B3GNT3: variants seen among roughly 807,000 people sequenced by gnomAD.
The protein encoded by B3GNT3 is N-acetyllactosaminide beta-1,3-N-acetylglucosaminyltransferase 3.
B3GNT3 carries 7 observed loss-of-function variants against 11.6 expected under a neutral mutation model. That is an observed-to-expected ratio of 0.60 (90% confidence interval 0.34 to 1.13). The LOEUF (loss-of-function observed/expected upper bound fraction) is 1.13. Ranked by LOEUF, B3GNT3 falls within the 50% of genes most tolerant of loss-of-function variation. The probability of loss-of-function intolerance (pLI) is 0.03; values close to 1 mark genes in which losing one functional copy is unlikely to be tolerated. For missense variants in B3GNT3, 400 were observed against 507.4 expected, an observed-to-expected ratio of 0.79 and a Z score of 2.03; for synonymous variants, 201 against 222.1, an observed-to-expected ratio of 0.90 and a Z score of 0.85.
chr19:17,805,337 G>A lies in B3GNT3; in HGVS notation c.-50-2421G>A, dbSNP rs59323468. The stretch of plus-strand genomic sequence containing the variant: ...TGGTCTCAAACTCCTAAGCTCAAGC[G>A]ATCCTCCTACCTCAGCCTCCCAGAG... On this transcript the variant is annotated intron_variant, in intron 1 of 2. Transcript: ENST00000318683. Among the ~76,000 whole-genome samples, 863 of 151,908 alleles carry A rather than the reference G, an allele frequency of 5.7e-3. 7 individuals are homozygous for A. Among genetic ancestry groups the A allele is most frequent in the African/African-American group, 0.02 (827 of 41,432 alleles).
chr19:17,795,287 A>G (rs1245828377), intron 1 of B3GNT3, 81 bp downstream of exon 1: 1 of 152,102 alleles, frequency 6.6e-6, no homozygotes, highest in African/African-American at 2.4e-5. Flanking sequence ...GCTCTGGAGA[A>G]GCCCCTGCCG....
chr19:17,799,764 C>T (rs914139564), intron 1 of B3GNT3, among the ~76,000 whole-genome samples: 20 of 144,204 alleles, frequency 1.4e-4, no homozygotes, highest in Non-Finnish European at 2.6e-4. Context: ...TGAGAGCCAG[C>T]GACCAGGCTG....
chr19:17,797,048 G>C (rs1333170829), intron 1 of B3GNT3, among the ~76,000 whole-genome samples: 1 of 152,072 alleles, frequency 6.6e-6, no homozygotes, highest in African/African-American at 2.4e-5. Flanking sequence ...TTAAAGACAG[G>C]AACTAGGCTC....
intron 1 of B3GNT3, among the ~76,000 whole-genome samples, chr19:17,795,885 T>C (rs1568388796): frequency 1.3e-5 from 2 of 152,010 alleles, no homozygotes; most frequent in Non-Finnish European, 2.9e-5. Context: ...AGTTTCCCTG[T>C]GTGTTAAGGG....
At chr19:17,803,008 G>T (rs2094168189) in intron 1 of B3GNT3, among the ~76,000 whole-genome samples, 1 of 115,218 alleles carries the variant, frequency 8.7e-6, no homozygotes, top group African/African-American at 3.2e-5. Flanking sequence ...GGTGTTAAAG[G>T]ATTTTTTTTT....
In B3GNT3 at chr19:17,808,235, T is replaced by G. The variant is rs1568392000; in HGVS notation, c.428T>G (p.Leu143Arg). 1.9e-6 allele frequency: 3 copies of G among 1,613,396 alleles called. No individual in the cohort carries two copies. Among genetic ancestry groups the G allele is most frequent in the Non-Finnish European group, 2.5e-6 (3 of 1,179,760 alleles). ...AAGGTACGGGGTTTGCAGCTGCGCC[T>G]CCTCTTCCTGGTGGGCACAGCCTCC... ...ERKVRGLQLR[L>R]LFLVGTASNP... The change falls in exon 2 of 3, where the codon CTC becomes CGC. Residue 143 changes from leucine to arginine, a missense_variant. Coordinates refer to ENST00000318683, the MANE Select transcript of B3GNT3 (RefSeq NM_014256.4).
chr19:17,808,367 T>C lies in B3GNT3; in HGVS notation c.560T>C (p.Leu187Pro). The C allele has an allele frequency of 2.5e-6, 4 of 1,603,060 alleles. No individual in the cohort carries two copies. Among genetic ancestry groups the C allele is most frequent in the Non-Finnish European group, 3.4e-6 (4 of 1,173,036 alleles). ...CACGACTCCTTCTTCAACCTCACGC[T>C]CAAGCAGGTGCGCTGGACTGGGGTC... is the stretch of plus-strand genomic sequence containing the variant. ...DFHDSFFNLTLKQVLFLQWQE... is the reference protein window; with the variant it reads ...DFHDSFFNLTPKQVLFLQWQE... The change falls in exon 2 of 3, where the codon CTC (leucine) becomes CCC (proline). Residue 187 changes from leucine (L) to proline (P), a missense_variant. Physicochemically the swap from Leu to Pro is moderately conservative, Grantham distance 98. Transcript: ENST00000318683.
chr19:17,795,377 C>T (rs749859089), intron 1 of B3GNT3, among the ~76,000 whole-genome samples, 171 bp downstream of exon 1: 11 of 152,198 alleles, frequency 7.2e-5, no homozygotes, highest in Non-Finnish European at 1.5e-4. Flanking sequence ...CTCACCCATC[C>T]GTAATTGTCT....
At chr19:17,799,665 C>T (rs2094163632) in intron 1 of B3GNT3, among the ~76,000 whole-genome samples, 2 of 152,048 alleles carry the variant, frequency 1.3e-5, no homozygotes, top group African/African-American at 4.8e-5. Context: ...TCAGAAGGCC[C>T]TTCCTCAACG....
chr19:17,804,923 C>A (rs1400596933), intron 1 of B3GNT3, among the ~76,000 whole-genome samples: 3 of 151,486 alleles, frequency 2.0e-5, no homozygotes, highest in Non-Finnish European at 4.4e-5. Flanking sequence ...TCTAGGCCAC[C>A]AAACTCTTCC....
rs780372825 is a variant in B3GNT3 at position 17,812,036 on chromosome 19, C to T, written c.1033C>T (p.Arg345Cys). 29 of 1,599,478 alleles carry T rather than the reference C, an allele frequency of 1.8e-5. No homozygotes were observed. The highest frequency in any genetic ancestry group is 3.3e-5 in the South Asian group (3 of 91,084). The change falls in exon 3 of 3, where the codon CGC becomes TGC. Residue 345 changes from arginine to cysteine, a missense_variant. By Grantham distance (180) the Arg-to-Cys change is radical (BLOSUM62 -3). Transcript: ENST00000318683. ...CTACCGAGACCTGCTGCTGGTGCAC[C>T]GCTTCCTACCTTATGAGATGCTGCT... ...CFYRDLLLVHRFLPYEMLLMW... is the reference protein window; with the variant it reads ...CFYRDLLLVHCFLPYEMLLMW...
In B3GNT3 at chr19:17,811,549, G is replaced by T. The variant is rs773894534; in HGVS notation, c.568-22G>T. ...ATTTCTCCAGCCCTCAAGCAAGCAT[G>T]CCCTGTCCACCCTGCCTGCAGGTCC... On this transcript the variant is annotated intron_variant, in intron 2 of 2. Coordinates refer to ENST00000318683, the MANE Select transcript of B3GNT3 (RefSeq NM_014256.4). The surrounding 1 kb of genome is among the most constrained non-coding windows in gnomAD (Gnocchi z 4.1). 6 of 1,594,974 alleles carry T rather than the reference G, an allele frequency of 3.8e-6. No individual in the cohort carries two copies. The East Asian group carries it at 1.3e-4, about 36-fold the overall frequency.
intron 1 of B3GNT3, among the ~76,000 whole-genome samples, chr19:17,802,483 G>C (rs1224136434): frequency 1.3e-5 from 2 of 152,198 alleles, no homozygotes; most frequent in East Asian, 1.9e-4. Flanking sequence ...GAAGCGAAGA[G>C]ATTTCCCATG....
Position 17,796,168 on chromosome 19 carries a change from G to A in B3GNT3, c.-51+962G>A, listed in dbSNP as rs534641451. On this transcript the variant is annotated intron_variant, in intron 1 of 2. Coordinates refer to ENST00000318683, the MANE Select transcript of B3GNT3 (RefSeq NM_014256.4). ...AGTGGCTCCATGCACTGTATTCACT[G>A]CAGCCTCAACCTCCTGGGCTCAAGT... is the stretch of plus-strand genomic sequence containing the variant. Among the ~76,000 whole-genome samples, 38 of 152,222 alleles carry A rather than the reference G, an allele frequency of 2.5e-4. 1 individual carries two copies. Among genetic ancestry groups the A allele is most frequent in the African/African-American group, 9.2e-4 (38 of 41,530 alleles).
intron 2 of B3GNT3, among the ~76,000 whole-genome samples, chr19:17,809,887 G>A (rs999286725): frequency 1.3e-5 from 2 of 152,136 alleles, no homozygotes; most frequent in African/African-American, 4.8e-5. Flanking sequence ...ACATTTTCAA[G>A]GAGGAACAGG....
Position 17,807,963 on chromosome 19 carries a change from A to AGGCC in B3GNT3, c.156_157insGGCC (p.Pro53GlyfsTer51). ...CCGAGGCCCTGGCCTGGCCCACTCC[A>AGGCC]CCCACCCGCCCAGCCCCGGCCCCGT... On this transcript the variant is annotated frameshift_variant, in exon 2 of 3. Transcript: ENST00000318683. LOFTEE classifies it high-confidence loss of function. 9.8e-6 allele frequency: 12 copies of AGGCC among 1,223,076 alleles called. No individual in the cohort carries two copies. Among genetic ancestry groups the AGGCC allele is most frequent in the East Asian group, 3.1e-5 (1 of 32,114 alleles). The allele number at this position is 1,223,076 out of a possible 1,614,324, so 75.8% of individuals were successfully genotyped here.
chr19:17,801,086 A>T (rs773603344), intron 1 of B3GNT3, among the ~76,000 whole-genome samples: 1 of 152,026 alleles, frequency 6.6e-6, no homozygotes, highest in Non-Finnish European at 1.5e-5. Context: ...ACTTTTCATT[A>T]TTGCTTTGCA....
Position 17,807,963 on chromosome 19 carries a change from A to ATCC in B3GNT3, c.156_157insTCC (p.Pro52_Pro53insSer). ...CCGAGGCCCTGGCCTGGCCCACTCC[A>ATCC]CCCACCCGCCCAGCCCCGGCCCCGT... On this transcript the variant is annotated inframe_insertion, in exon 2 of 3. Transcript: ENST00000318683. 2 of 1,223,222 alleles carry ATCC rather than the reference A, an allele frequency of 1.6e-6. No individual in the cohort carries two copies. Among genetic ancestry groups the ATCC allele is most frequent in the Non-Finnish European group, 2.3e-6 (2 of 866,404 alleles). The allele number at this position is 1,223,222 out of a possible 1,614,324, so 75.8% of individuals were successfully genotyped here. A position where few individuals can be genotyped will look rare whatever the true frequency, so the allele number is the denominator to read the frequency against.
chr19:17,796,833 C>G (rs1037534101), intron 1 of B3GNT3, among the ~76,000 whole-genome samples: 1 of 152,152 alleles, frequency 6.6e-6, no homozygotes, highest in Non-Finnish European at 1.5e-5. Context: ...CAAGTAAGGG[C>G]TCACTGAGTG....
Sources: allele counts gnomAD v4.1 joint callset (sites outside exome capture counted in the v4.1 genomes callset), GRCh38; gene constraint gnomAD v4.1.1; non-coding constraint Gnocchi (gnomAD v3.1); transcripts MANE v1.5; gene names NCBI Gene and HGNC (gene_info 2026-07-23, HGNC 2026-07-21).